The following CNPY1 variants were observed in gnomAD, a reference collection of about 807,000 sequenced individuals.
CNPY1 encodes the protein canopy FGF signaling regulator 1, also known as protein canopy homolog 1.
Under a neutral mutation model 14.4 loss-of-function variants are expected in CNPY1, and 14 were observed. The ratio of observed to expected loss-of-function variants is 0.97; its 90% CI spans 0.64 to 1.52. The LOEUF (loss-of-function observed/expected upper bound fraction) is 1.52. Ranked by LOEUF, CNPY1 falls within the 40% of genes most tolerant of loss-of-function variation. CNPY1 has a pLI of 0.00. For missense variants in CNPY1, 129 were observed against 131.5 expected (o/e 0.98, Z 0.09); for synonymous variants, 43 against 46.5 (o/e 0.92, Z 0.31).
At chr7:155,535,395 A>G (rs1422260416) in intron 2 of CNPY1, among the ~76,000 whole-genome samples, 1 of 152,206 alleles carries the variant, frequency 6.6e-6, no homozygotes, top group Non-Finnish European at 1.5e-5. Context: ...ACTGCAGATG[A>G]ATCATGATCC....
At position 155,536,547 on chromosome 7, in the gene CNPY1, G is replaced by A. The variant is rs1246688007; in HGVS notation, c.99+9284C>T. ...CCTTCTTCCAACTAGGTGAGGACAT[G>A]TGCTGGAGTCCCAGCCGTGGAACGT... On this transcript the variant is annotated intron_variant, in intron 2 of 4. Coordinates refer to ENST00000636446, the MANE Select transcript of CNPY1 (RefSeq NM_001393663.1). This position sits in a 1 kb window ranked among gnomAD's most constrained non-coding sequence, Gnocchi z 4.1. Among the ~76,000 whole-genome samples the A allele has an allele frequency of 6.6e-6, 1 of 152,182 alleles. No homozygotes were observed. Among genetic ancestry groups the A allele is most frequent in the Non-Finnish European group, 1.5e-5 (1 of 68,028 alleles).
chr7:155,507,377 CTT>C (rs541419568), intron 3 of CNPY1, among the ~76,000 whole-genome samples: 90 of 144,774 alleles, frequency 6.2e-4, no homozygotes, highest in African/African-American at 2.2e-3. Flanking sequence ...AGGAACATCT[CTT>C]TGCATGTTTC....
At chr7:155,527,434 C>CTTTTTTTT (rs11364914) in intron 2 of CNPY1, among the ~76,000 whole-genome samples, 7 of 56,884 alleles carry the variant, frequency 1.2e-4, no homozygotes, top group East Asian at 1.2e-3. Context: ...TAATTAATTT[C>CTTTTTTTT]TTTTTTTTTT....
chr7:155,521,851 T>C (rs1585317182), intron 2 of CNPY1, among the ~76,000 whole-genome samples: 1 of 152,120 alleles, frequency 6.6e-6, no homozygotes, highest in Non-Finnish European at 1.5e-5. Flanking sequence ...GCTTGCCAGG[T>C]TCCAGCATGC....
intron 2 of CNPY1, among the ~76,000 whole-genome samples, chr7:155,515,411 C>T (rs919437170): frequency 6.6e-6 from 1 of 152,174 alleles, no homozygotes; most frequent in African/African-American, 2.4e-5. Flanking sequence ...TGAAGCCACA[C>T]CTGGAGAGCT....
chr7:155,546,464 G>A lies in CNPY1; in HGVS notation c.-50C>T. The A allele has an allele frequency of 2.5e-6, 1 of 397,838 alleles. No homozygotes were observed. Among genetic ancestry groups the A allele is most frequent in the Non-Finnish European group, 4.4e-6 (1 of 225,976 alleles). The allele number at this position is 397,838 out of a possible 1,614,324, so 24.6% of individuals were successfully genotyped here. On this transcript the variant is annotated 5_prime_UTR_variant, in exon 1 of 5. Transcript: ENST00000636446. ...TGAATTGCTGGGATTACAAGTATCA[G>A]CCACCATGTGCAGCCTTCAAATGTG...
intron 2 of CNPY1, among the ~76,000 whole-genome samples, chr7:155,526,221 G>A (rs2116727268): frequency 6.6e-6 from 1 of 152,302 alleles, no homozygotes; most frequent in African/African-American, 2.4e-5. Context: ...TTCCAACTCA[G>A]TGTGGGGGAG....
intron 3 of CNPY1, 122 bp downstream of exon 3, chr7:155,508,772 A>T: frequency 2.9e-6 from 3 of 1,051,482 alleles, no homozygotes; most frequent in African/African-American, 1.6e-5. Flanking sequence ...ATGACATTTT[A>T]ATGTGCATTT....
At chr7:155,527,045 TC>T (rs1160163539) in intron 2 of CNPY1, among the ~76,000 whole-genome samples, 10 of 61,518 alleles carry the variant, frequency 1.6e-4, no homozygotes, top group African/African-American at 5.9e-4. Flanking sequence ...TTTCTTTCTT[TC>T]TTTCTTTCTT....
intron 2 of CNPY1, among the ~76,000 whole-genome samples, chr7:155,540,165 C>T (rs1021016471): frequency 6.6e-6 from 1 of 152,128 alleles, no homozygotes; most frequent in Non-Finnish European, 1.5e-5. Flanking sequence ...TTTCCTAAGT[C>T]GGATAAGGAA....
intron 2 of CNPY1, among the ~76,000 whole-genome samples, chr7:155,511,223 T>G (rs1391860719): frequency 6.6e-6 from 1 of 152,174 alleles, no homozygotes; most frequent in Admixed American, 6.5e-5. Context: ...GTCTGATCGC[T>G]GGGGGCTTTC....
At position 155,502,669 on chromosome 7, in the gene CNPY1, A is replaced by G. The variant is rs918417810; in HGVS notation, c.*399T>C. The stretch of plus-strand genomic sequence containing the variant: ...AGGCAATCAAGTATTTGAGGATTCA[A>G]ATCCAGTTCTTATCAGACAGCCACT... On this transcript the variant is annotated 3_prime_UTR_variant, in exon 5 of 5. Coordinates refer to ENST00000636446, the MANE Select transcript of CNPY1 (RefSeq NM_001393663.1). 4.2e-5 allele frequency: 7 copies of G among 167,870 alleles called. No homozygotes were observed. The highest frequency in any genetic ancestry group is 8.9e-5 in the Non-Finnish European group (7 of 78,692). The allele number at this position is 167,870 out of a possible 1,614,324, so 10.4% of individuals were successfully genotyped here.
chr7:155,515,240 T>G (rs1375837172), intron 2 of CNPY1, among the ~76,000 whole-genome samples: 2 of 148,694 alleles, frequency 1.3e-5, no homozygotes, highest in African/African-American at 4.9e-5. Flanking sequence ...GGGCCACACC[T>G]CAGGAGAGTC....
At chr7:155,537,188 A>G (rs1797033723) in intron 2 of CNPY1, among the ~76,000 whole-genome samples, 1 of 152,194 alleles carries the variant, frequency 6.6e-6, no homozygotes. Flanking sequence ...GTCCTTGGCC[A>G]ATGAGAGTTA....
chr7:155,527,060 T>TCTTTCTTTCTTTCTTTCTTTCTTTC (rs57894007), intron 2 of CNPY1, among the ~76,000 whole-genome samples: 5 of 140,038 alleles, frequency 3.6e-5, no homozygotes, highest in Admixed American at 7.3e-5. Flanking sequence ...CTTTCTTTTT[T>TCTTTCTTTCTTTCTTTCTTTCTTTC]TTTTTTTTTT....
intron 2 of CNPY1, among the ~76,000 whole-genome samples, chr7:155,514,368 C>T (rs1377195010): frequency 2.0e-5 from 3 of 152,280 alleles, no homozygotes; most frequent in South Asian, 2.1e-4. Flanking sequence ...CATCGATTGT[C>T]GTCAACTGTT....
intron 2 of CNPY1, among the ~76,000 whole-genome samples, chr7:155,527,066 T>TCTTTCTTTCTTTCTTTCTTTCTTTC (rs1796838284): frequency 3.3e-5 from 1 of 30,350 alleles, no homozygotes; most frequent in Admixed American, 4.2e-4. Flanking sequence ...TTTTTTTTTT[T>TCTTTCTTTCTTTCTTTCTTTCTTTC]TTTTTGAGAC....
At chr7:155,534,340 GGCACACATGCACACACGT>G (rs1796996285) in intron 2 of CNPY1, among the ~76,000 whole-genome samples, 1 of 78,770 alleles carries the variant, frequency 1.3e-5, no homozygotes, top group African/African-American at 3.9e-5. Context: ...CGTGCACAGA[GGCACACATGCACACACGT>G]GCACACAGGC....
rs765350395 is a variant in CNPY1 at position 155,512,889 on chromosome 7, TTTAG to T, written c.100-3796_100-3793del. ...GTAGCAAAGATTTTCTTTCTAGAGG[TTTAG>T]TTAATGTAAAATTTTAATTGCATTG... On this transcript the variant is annotated intron_variant, in intron 2 of 4. Coordinates refer to ENST00000636446, the MANE Select transcript of CNPY1 (RefSeq NM_001393663.1). Among the ~76,000 whole-genome samples, 6 of 152,352 alleles carry T rather than the reference TTTAG, an allele frequency of 3.9e-5. No homozygotes were observed. The South Asian group carries it at 8.3e-4, about 21-fold the overall frequency.
Sources: allele counts gnomAD v4.1 joint callset (sites outside exome capture counted in the v4.1 genomes callset), GRCh38; gene constraint gnomAD v4.1.1; non-coding constraint Gnocchi (gnomAD v3.1); transcripts MANE v1.5; gene names NCBI Gene and HGNC (gene_info 2026-07-23, HGNC 2026-07-21).